SVIL: variants seen among roughly 807,000 people sequenced by gnomAD.
SVIL encodes the protein supervillin, also known as archvillin.
SVIL carries 101 observed loss-of-function variants against 240.4 expected under a neutral mutation model. The observed-to-expected ratio is 0.42, with a 90% CI of 0.36 to 0.50. The LOEUF (loss-of-function observed/expected upper bound fraction) is 0.50, where lower values mean the gene tolerates loss of function less well. Ranked by LOEUF, SVIL falls within the 20% of genes least tolerant of loss-of-function variation. The pLI, the probability that SVIL is intolerant of heterozygous loss-of-function variation, is 0.01. For synonymous variants in SVIL, 999 were observed against 1,100.0 expected (o/e 0.91, Z 1.82); for missense variants, 2,512 against 2,818.7 (o/e 0.89, Z 2.46).
In SVIL at chr10:29,463,485, G is replaced by T. The variant is rs1588784588; in HGVS notation, c.6277+7C>A. 1 of 1,613,394 alleles carries T rather than the reference G, an allele frequency of 6.2e-7. No individual in the cohort carries two copies. The highest frequency in any genetic ancestry group is 8.5e-7 in the Non-Finnish European group (1 of 1,179,646). On this transcript the variant is annotated splice_region_variant and intron_variant, in intron 35 of 37. Coordinates refer to ENST00000355867, the MANE Select transcript of SVIL (RefSeq NM_021738.3). ...CCGTGCTGCAGGCATGTTAGAGGGA[G>T]CCTCACCTTTGCAGTACTGGAGCAC... is the stretch of plus-strand genomic sequence containing the variant.
rs564565919 is a variant in SVIL, at chr10:29,694,934, G to T, written c.-399-8283C>A. Among the ~76,000 whole-genome samples the T allele has an allele frequency of 5.3e-5, 8 of 152,308 alleles. No homozygotes were observed. The South Asian group carries it at 1.7e-3, about 32-fold the overall frequency. ...CTAAGGAAAGGCAGCTAGAGGAAGG[G>T]AGGGGCCTGAGTTATCTCTCTCTGC... is the stretch of plus-strand genomic sequence containing the variant. On this transcript the variant is annotated intron_variant, in intron 1 of 35. Coordinates refer to the SVIL transcript ENST00000375400.
chr10:29,540,046 A>C (rs1412349967), intron 6 of SVIL, among the ~76,000 whole-genome samples: 3 of 152,154 alleles, frequency 2.0e-5, no homozygotes, highest in Non-Finnish European at 2.9e-5. Flanking sequence ...TGCGTTACCA[A>C]GATGACCTCC....
intron 6 of SVIL, among the ~76,000 whole-genome samples, chr10:29,539,729 C>T (rs752586460): frequency 1.9e-4 from 29 of 152,276 alleles, no homozygotes; most frequent in African/African-American, 4.8e-4. Context: ...CTCACCCCCA[C>T]GATACACAGC....
rs180685471 is a variant in SVIL at position 29,719,789 on chromosome 10, T to C, written c.-400+15962A>G. Among the ~76,000 whole-genome samples the C allele has an allele frequency of 4.5e-3, 676 of 151,470 alleles. 6 individuals are homozygous for C. The highest frequency in any genetic ancestry group is 0.016 in the African/African-American group (644 of 41,018). On this transcript the variant is annotated intron_variant, in intron 1 of 35. Coordinates refer to the SVIL transcript ENST00000375400. ...CCAAAATGAAAAACAGAAAAGAAAG[T>C]TTAAAAAAAATGAACAAAGCATGAG...
chr10:29,486,951 T>C, intron 24 of SVIL, among the ~76,000 whole-genome samples: 1 of 151,976 alleles, frequency 6.6e-6, no homozygotes, highest in Admixed American at 6.6e-5. Flanking sequence ...ACCTAAACAC[T>C]GGGGTGTAGG....
intron 36 of SVIL, among the ~76,000 whole-genome samples, chr10:29,460,404 G>A (rs951506967): frequency 1.3e-5 from 2 of 152,180 alleles, no homozygotes; most frequent in South Asian, 2.1e-4. Flanking sequence ...ACAGTAAATG[G>A]CCCCGCTGCT....
chr10:29,530,622 C>T lies in SVIL; in HGVS notation c.2091G>A (p.Lys697=). The T allele has an allele frequency of 6.2e-7, 1 of 1,614,152 alleles. No individual in the cohort carries two copies. Among genetic ancestry groups the T allele is most frequent in the South Asian group, 1.1e-5 (1 of 91,090 alleles). ...DERAKLSVAA[K]RLLFREMEKS... ...CACAGCTTACCCTGAAAAGCAACCT[C>T]TTGGCGGCGACGCTCAGCTTGGCTC... The change falls in exon 11 of 38, where the codon AAG becomes AAA. Residue 697 remains lysine, a synonymous_variant. Transcript: ENST00000355867.
chr10:29,551,723 T>C (rs1191445980), intron 5 of SVIL, among the ~76,000 whole-genome samples: 3 of 152,184 alleles, frequency 2.0e-5, no homozygotes, highest in Admixed American at 1.3e-4. Flanking sequence ...AGAGTAACCA[T>C]AACGATATGG....
At chr10:29,589,735 T>G (rs549097466) in intron 1 of SVIL, among the ~76,000 whole-genome samples, 4 of 152,286 alleles carry the variant, frequency 2.6e-5, no homozygotes, top group Non-Finnish European at 5.9e-5. Context: ...CGAGAGACCT[T>G]GATCTACCTG....
intron 3 of SVIL, among the ~76,000 whole-genome samples, chr10:29,641,613 A>G (rs1281251875): frequency 6.6e-6 from 1 of 152,202 alleles, no homozygotes; most frequent in African/African-American, 2.4e-5. Flanking sequence ...AATTTGTTAA[A>G]GGACAAATGT....
intron 16 of SVIL, among the ~76,000 whole-genome samples, chr10:29,518,271 C>A (rs1950341879): frequency 6.6e-6 from 1 of 152,118 alleles, no homozygotes; most frequent in Admixed American, 6.5e-5. Context: ...GCTTGTAATT[C>A]CAGCTACTTG....
At chr10:29,525,470 C>A (rs1950834066) in intron 13 of SVIL, among the ~76,000 whole-genome samples, 1 of 152,106 alleles carries the variant, frequency 6.6e-6, no homozygotes, top group African/African-American at 2.4e-5. Flanking sequence ...AAAAATTAGC[C>A]AGGCTTGGTG....
At position 29,458,015 on chromosome 10, in the gene SVIL, TTATTA is replaced by T; in HGVS notation, c.*227_*231del. 2.1e-6 allele frequency: 1 copy of T among 469,426 alleles called. No individual in the cohort carries two copies. The allele number at this position is 469,426 out of a possible 1,614,324, so 29.1% of individuals were successfully genotyped here. The stretch of plus-strand genomic sequence containing the variant: ...GCTTAAGTGCACATAACAGATACTT[TTATTA>T]ATTCTGATAACCTCCTGAATGGTGG... On this transcript the variant is annotated 3_prime_UTR_variant, in exon 38 of 38. Transcript: ENST00000355867.
Position 29,735,303 on chromosome 10 carries a change from G to A in SVIL, c.-400+448C>T, listed in dbSNP as rs574201198. Among the ~76,000 whole-genome samples, 12 of 151,842 alleles carry A rather than the reference G, an allele frequency of 7.9e-5. No homozygotes were observed. In the South Asian group the frequency reaches 2.5e-3, roughly 32 times the overall value. On this transcript the variant is annotated intron_variant, in intron 1 of 35. Transcript: ENST00000375400. This position sits in a 1 kb window ranked among gnomAD's most constrained non-coding sequence, Gnocchi z 4.1. ...CTCCGGCCACTTGCGGCTGGTGTCG[G>A]GAAAGGAACCGGGCGATGTCGTAGT...
At chr10:29,718,531 A>G (rs1963774915) in intron 1 of SVIL, among the ~76,000 whole-genome samples, 1 of 152,172 alleles carries the variant, frequency 6.6e-6, no homozygotes, top group Non-Finnish European at 1.5e-5. Flanking sequence ...CCTACTGAAC[A>G]GAATCTGAAT....
chr10:29,593,377 C>T (rs777732783), intron 1 of SVIL, among the ~76,000 whole-genome samples: 2 of 152,128 alleles, frequency 1.3e-5, no homozygotes, highest in Non-Finnish European at 2.9e-5. Context: ...CACTAAAGAT[C>T]CCCAAATATT....
At chr10:29,656,687 C>T (rs778029459) in intron 3 of SVIL, among the ~76,000 whole-genome samples, 6 of 152,192 alleles carry the variant, frequency 3.9e-5, no homozygotes, top group Non-Finnish European at 7.3e-5. Flanking sequence ...TGTTTTCCCA[C>T]ACATGATTAC....
At chr10:29,489,695 G>A (rs957795797) in intron 22 of SVIL, among the ~76,000 whole-genome samples, 2 of 152,054 alleles carry the variant, frequency 1.3e-5, no homozygotes, top group Non-Finnish European at 1.5e-5. Context: ...CCCCAGGTGA[G>A]TGCCACCACA....
At chr10:29,499,076 A>G (rs375519584) in intron 18 of SVIL, 40 bp downstream of exon 18, 6 of 1,607,282 alleles carry the variant, frequency 3.7e-6, no homozygotes, top group Middle Eastern at 1.7e-4. Flanking sequence ...ACGTGTGTGC[A>G]TTGTGCACAC....
Sources: gnomAD v4.1 joint callset for allele counts (sites outside exome capture counted in the v4.1 genomes callset) on GRCh38, gnomAD v4.1.1 for gene constraint, Gnocchi (gnomAD v3.1) non-coding constraint, MANE v1.5 for transcripts, NCBI Gene and HGNC (gene_info 2026-07-23, HGNC 2026-07-21) for gene names.